FNDC3A: variants seen among roughly 807,000 people sequenced by gnomAD.
The protein encoded by FNDC3A is fibronectin type III domain containing 3A, also known as fibronectin type-III domain-containing protein 3A.
In FNDC3A, 32 loss-of-function variants were observed where a neutral mutation model predicts 148.9. That is an observed-to-expected ratio of 0.21 (90% CI 0.16 to 0.29). FNDC3A has a LOEUF of 0.29. Among genes scored for constraint, FNDC3A ranks in the 10% least tolerant of loss-of-function variants. The probability of loss-of-function intolerance (pLI) is 1.00; values close to 1 mark genes in which losing one functional copy is unlikely to be tolerated. For synonymous variants in FNDC3A, 472 were observed against 473.6 expected (o/e 1.00, Z 0.04); for missense variants, 1,191 against 1,452.8 (o/e 0.82, Z 2.93).
At chr13:49,192,116 G>A (rs1885918136) in intron 19 of FNDC3A, among the ~76,000 whole-genome samples, 1 of 152,148 alleles carries the variant, frequency 6.6e-6, no homozygotes, top group African/African-American at 2.4e-5. Context: ...TAAGGACAAA[G>A]CAGTAATTTC....
intron 2 of FNDC3A, among the ~76,000 whole-genome samples, chr13:49,073,826 T>TTA (rs538883556): frequency 6.8e-6 from 1 of 146,976 alleles, no homozygotes; most frequent in Non-Finnish European, 1.5e-5. Flanking sequence ...TGTGTATATA[T>TTA]TATATATATG....
At chr13:48,996,505 T>C (rs1952026845) in intron 1 of FNDC3A, among the ~76,000 whole-genome samples, 1 of 152,228 alleles carries the variant, frequency 6.6e-6, no homozygotes, top group Non-Finnish European at 1.5e-5. Context: ...TTACGTAGCA[T>C]TTATATTGTA....
At chr13:49,093,795 T>G (rs543965525) in intron 3 of FNDC3A, among the ~76,000 whole-genome samples, 35 of 152,306 alleles carry the variant, frequency 2.3e-4, no homozygotes, top group Admixed American at 1.9e-3. Flanking sequence ...TACCAAATAC[T>G]CTACTCATAA....
chr13:49,125,309 A>T (rs746685258), intron 4 of FNDC3A, among the ~76,000 whole-genome samples: 2 of 152,168 alleles, frequency 1.3e-5, no homozygotes, highest in South Asian at 4.1e-4. Flanking sequence ...AGAGATTTAT[A>T]TGAGAATGAA....
intron 8 of FNDC3A, among the ~76,000 whole-genome samples, chr13:49,147,849 C>G (rs187880575): frequency 3.5e-4 from 54 of 152,156 alleles, no homozygotes; most frequent in Non-Finnish European, 7.4e-5. Flanking sequence ...ATTCCACCAA[C>G]AGTGTATAAG....
chr13:49,143,042 A>G (rs1882777527), intron 7 of FNDC3A, among the ~76,000 whole-genome samples: 1 of 152,008 alleles, frequency 6.6e-6, no homozygotes, highest in African/African-American at 2.4e-5. Flanking sequence ...TAATTTTTGT[A>G]TTTTTAGTAG....
At chr13:49,053,220 G>A (rs1875979847) in intron 2 of FNDC3A, among the ~76,000 whole-genome samples, 1 of 152,210 alleles carries the variant, frequency 6.6e-6, no homozygotes, top group African/African-American at 2.4e-5. Context: ...TGATACAGTT[G>A]CTTTAGAGGG....
chr13:49,005,765 G>A (rs1333274680), intron 1 of FNDC3A, among the ~76,000 whole-genome samples: 4 of 151,868 alleles, frequency 2.6e-5, no homozygotes, highest in Admixed American at 2.6e-4. Context: ...AAAAAAATTA[G>A]TGACAGTTGC....
intron 2 of FNDC3A, among the ~76,000 whole-genome samples, chr13:49,020,856 G>A (rs904588178): frequency 5.9e-5 from 9 of 152,118 alleles, no homozygotes; most frequent in Non-Finnish European, 1.3e-4. Flanking sequence ...CTTCTGAAAG[G>A]CAAAAACCAG....
At chr13:49,153,246 G>C (rs1256850636) in intron 8 of FNDC3A, among the ~76,000 whole-genome samples, 2 of 151,656 alleles carry the variant, frequency 1.3e-5, no homozygotes, top group South Asian at 2.1e-4. Flanking sequence ...TTGTGGTTTT[G>C]ATTTGCATTT....
At chr13:49,014,856 A>C (rs1952455685) in intron 2 of FNDC3A, among the ~76,000 whole-genome samples, 1 of 144,426 alleles carries the variant, frequency 6.9e-6, no homozygotes, top group Non-Finnish European at 1.5e-5. Flanking sequence ...TAAATAGGGA[A>C]TCCTTTCCCC....
intron 1 of FNDC3A, among the ~76,000 whole-genome samples, chr13:48,994,547 C>T (rs960601889): frequency 1.3e-5 from 2 of 152,048 alleles, no homozygotes; most frequent in African/African-American, 4.8e-5. Flanking sequence ...GGGAGGCCGA[C>T]GCGGGCAGAT....
intron 2 of FNDC3A, among the ~76,000 whole-genome samples, chr13:49,036,180 G>T (rs1874477345): frequency 2.0e-5 from 3 of 152,122 alleles, no homozygotes; most frequent in Non-Finnish European, 4.4e-5. Context: ...TGAAATGGAG[G>T]TACCTGCAGT....
intron 4 of FNDC3A, among the ~76,000 whole-genome samples, chr13:49,114,978 T>C: frequency 6.6e-6 from 1 of 152,190 alleles, no homozygotes; most frequent in East Asian, 1.9e-4. Flanking sequence ...TTCTAGAGTT[T>C]TGTCTCCCTA....
At chr13:49,035,788 C>T in intron 2 of FNDC3A, among the ~76,000 whole-genome samples, 1 of 151,950 alleles carries the variant, frequency 6.6e-6, no homozygotes, top group East Asian at 1.9e-4. Flanking sequence ...ATTAAACGAG[C>T]AATTGGTTGA....
chr13:49,047,733 T>G (rs1329049189), intron 2 of FNDC3A, among the ~76,000 whole-genome samples: 1 of 152,220 alleles, frequency 6.6e-6, no homozygotes, highest in Non-Finnish European at 1.5e-5. Context: ...TTTCTCCCAC[T>G]CTGTGGGTTG....
At position 49,087,736 on chromosome 13, in the gene FNDC3A, A is replaced by G. The variant is rs541674348; in HGVS notation, c.175+12372A>G. Among the ~76,000 whole-genome samples, 7 of 152,248 alleles carry G rather than the reference A, an allele frequency of 4.6e-5. No individual in the cohort carries two copies. In the South Asian group the frequency reaches 1.4e-3, roughly 32 times the overall value. On this transcript the variant is annotated intron_variant, in intron 3 of 25. Coordinates refer to ENST00000492622, the MANE Select transcript of FNDC3A (RefSeq NM_001079673.2). ...GCAGTTTCCATTTAGTTTGATTTTA[A>G]AAGCTGCCTTTTGAATATCTAATAC...
chr13:48,994,395 G>T (rs867358261), intron 1 of FNDC3A, among the ~76,000 whole-genome samples: 1 of 152,318 alleles, frequency 6.6e-6, no homozygotes, highest in African/African-American at 2.4e-5. Context: ...CATATTTGAT[G>T]ATTTAAGGAA....
chr13:48,978,994 G>A (rs970963578), intron 1 of FNDC3A, among the ~76,000 whole-genome samples: 3 of 151,944 alleles, frequency 2.0e-5, no homozygotes, highest in African/African-American at 7.3e-5. Flanking sequence ...TTACCTTTCT[G>A]TCTTCCCACT....
Sources: allele counts gnomAD v4.1 joint callset (sites outside exome capture counted in the v4.1 genomes callset), GRCh38; gene constraint gnomAD v4.1.1; transcripts MANE v1.5; gene names NCBI Gene and HGNC (gene_info 2026-07-23, HGNC 2026-07-21).